The following LZTR1 variants were observed in gnomAD, a reference collection of about 807,000 sequenced individuals.
The protein encoded by LZTR1 is leucine-zipper-like transcriptional regulator 1.
LZTR1 carries 260 observed loss-of-function variants against 105.7 expected under a neutral mutation model. That is an observed-to-expected ratio of 2.46 (90% CI 2.22 to 2.72). LZTR1 has a LOEUF of 2.72. Ranked by LOEUF, LZTR1 falls within the 30% of genes most tolerant of loss-of-function variation. The probability of loss-of-function intolerance (pLI) is 0.00; values close to 1 mark genes in which losing one functional copy is unlikely to be tolerated. For synonymous variants in LZTR1, 490 were observed against 476.4 expected, an observed-to-expected ratio of 1.03 and a Z score of -0.37; for missense variants, 1,214 against 1,166.9, an observed-to-expected ratio of 1.04 and a Z score of -0.59.
intron 14 of LZTR1, 132 bp downstream of exon 14, chr22:20,994,401 T>C (rs1366410550): frequency 1.6e-6 from 2 of 1,276,082 alleles, no homozygotes; most frequent in Admixed American, 2.1e-5. Flanking sequence ...TCACCCTCCT[T>C]ACCCATGATC....
At chr22:20,993,868 CTG>C in intron 12 of LZTR1, 54 bp from the exon 13 acceptor site, 1 of 1,582,452 alleles carries the variant, frequency 6.3e-7, no homozygotes, top group Non-Finnish European at 8.6e-7. Context: ...GGCTGGGTCT[CTG>C]TTCTCTGGGG....
chr22:20,989,410 G>A (rs1259610748), intron 6 of LZTR1, among the ~76,000 whole-genome samples: 1 of 152,230 alleles, frequency 6.6e-6, no homozygotes, highest in Non-Finnish European at 1.5e-5. Context: ...ATGCATGAGA[G>A]TACTTGTTCT....
intron 3 of LZTR1, chr22:20,986,376 T>TGACAGATA (rs761389330): frequency 9.7e-5 from 14 of 144,464 alleles, no homozygotes; most frequent in Non-Finnish European, 1.6e-4. Flanking sequence ...GATAGACAGA[T>TGACAGATA]GATAGATAGA....
At chr22:20,987,265 G>A (rs528295241) in intron 3 of LZTR1, 20 of 446,246 alleles carry the variant, frequency 4.5e-5, no homozygotes, top group Admixed American at 3.1e-4. Context: ...ATGATGGTGG[G>A]TGCCTGTAAT....
At position 20,994,747 on chromosome 22, in the gene LZTR1, C is replaced by T. The variant is rs759961989; in HGVS notation, c.1785+20C>T. 8 of 1,610,220 alleles carry T rather than the reference C, an allele frequency of 5.0e-6. No individual in the cohort carries two copies. In the East Asian group the frequency reaches 6.7e-5, roughly 13 times the overall value. ...CTCAAGGTGTGGGGTGGGGTCAGCG[C>T]AATCAGGGTTGGGTGGGGTGTGCTC... On this transcript the variant is annotated intron_variant, in intron 15 of 20. Transcript: ENST00000646124.
At position 20,997,740 on chromosome 22, in the gene LZTR1, A is replaced by C. The variant is rs78566310; in HGVS notation, c.*392A>C. The C allele has an allele frequency of 5.8e-3, 1,042 of 179,272 alleles. 23 individuals are homozygous for C. Among genetic ancestry groups the C allele is most frequent in the African/African-American group, 0.023 (988 of 42,316 alleles). The allele number at this position is 179,272 out of a possible 1,614,324, so 11.1% of individuals were successfully genotyped here. ...GACTCAGGCACTGGGGCCTGTCACC[A>C]AGGCTCCTCCAACATGCGGGAGGAG... On this transcript the variant is annotated 3_prime_UTR_variant, in exon 21 of 21. Coordinates refer to ENST00000646124, the MANE Select transcript of LZTR1 (RefSeq NM_006767.4).
At chr22:20,985,202 C>T (rs1315114314) in intron 2 of LZTR1, among the ~76,000 whole-genome samples, 2 of 151,482 alleles carry the variant, frequency 1.3e-5, no homozygotes, top group Non-Finnish European at 2.9e-5. Flanking sequence ...GGATTACAGG[C>T]GCCTGCCACC....
Position 20,997,299 on chromosome 22 carries a change from C to A in LZTR1, c.2474C>A (p.Ala825Asp). ...CTGCTGGACATCATAGACTCCCTGG[C>A]CTCCCACATCTCAGACAAGCAGTGC... ...QLLLDIIDSL[A>D]SHISDKQCAE... is the part of the protein sequence containing the mutation. Residue 825 changes from alanine (A) to aspartate (D), a missense_variant, in exon 21 of 21, where the codon GCC becomes GAC. By Grantham distance (126) the Ala-to-Asp change is moderately radical. Transcript: ENST00000646124. 1 of 1,613,818 alleles carries A rather than the reference C, an allele frequency of 6.2e-7. No homozygotes were observed. The highest frequency in any genetic ancestry group is 8.5e-7 in the Non-Finnish European group (1 of 1,180,006).
At chr22:20,987,748 A>T (rs1262964112) in intron 4 of LZTR1, among the ~76,000 whole-genome samples, 165 bp downstream of exon 4, 1 of 151,896 alleles carries the variant, frequency 6.6e-6, no homozygotes, top group Non-Finnish European at 1.5e-5. Context: ...TGGATCTGGG[A>T]CCCCTTGCCC....
rs1924445776 is a variant in LZTR1 at position 20,987,689 on chromosome 22, GCT to G, written c.400+114_400+115del. 1.9e-5 allele frequency: 20 copies of G among 1,037,372 alleles called. 1 individual carries two copies. In the Admixed American group the frequency reaches 3.2e-4, roughly 17 times the overall value. The allele number at this position is 1,037,372 out of a possible 1,614,324, so 64.3% of individuals were successfully genotyped here. ...TGTGCTCGTGCTGTGTACAGCAGGG[GCT>G]CTCTCTCCACCCGTGGCTTTGTCTG... is the stretch of plus-strand genomic sequence containing the variant. On this transcript the variant is annotated intron_variant, in intron 4 of 20. Coordinates refer to ENST00000646124, the MANE Select transcript of LZTR1 (RefSeq NM_006767.4).
At chr22:20,992,683 C>G in intron 10 of LZTR1, 111 bp from the exon 11 acceptor site, 2 of 740,074 alleles carry the variant, frequency 2.7e-6, no homozygotes, top group Admixed American at 4.6e-5. Flanking sequence ...GACCCTGCCC[C>G]CTGGCCCTTC....
chr22:20,983,192 G>C, intron 2 of LZTR1, 103 bp downstream of exon 2: 1 of 1,016,458 alleles, frequency 9.8e-7, no homozygotes, highest in Non-Finnish European at 1.6e-6. Context: ...GATGCTAGCT[G>C]GTGCCTCTAA....
intron 3 of LZTR1, chr22:20,986,926 A>G (rs539856611): frequency 6.6e-6 from 1 of 152,242 alleles, no homozygotes. Context: ...AAAAAATTTC[A>G]TGGAAGCCTA....
intron 20 of LZTR1, 98 bp from the exon 21 acceptor site, chr22:20,997,134 C>A: frequency 8.9e-7 from 1 of 1,117,776 alleles, no homozygotes; most frequent in Non-Finnish European, 1.4e-6. Flanking sequence ...TGGGACCAGC[C>A]TGAGCCCTGA....
At position 20,991,797 on chromosome 22, in the gene LZTR1, T is replaced by C. The variant is rs1363014013; in HGVS notation, c.961T>C (p.Trp321Arg). 6.4e-7 allele frequency: 1 copy of C among 1,551,648 alleles called. No individual in the cohort carries two copies. The highest frequency in any genetic ancestry group is 2.4e-5 in the East Asian group (1 of 41,044). The change falls in exon 9 of 21, where the codon TGG becomes CGG. Residue 321 changes from tryptophan to arginine, a missense_variant. Transcript: ENST00000646124. ...CTGCTATGACGTGGACTTCCAGACC[T>C]GGGAGGTCGTCCAGCCCAGCTCCGA... The part of the protein sequence containing the change: ...LHCYDVDFQT[W>R]EVVQPSSDSE...
In LZTR1 at chr22:20,997,336, C is replaced by T. The variant is rs202072955; in HGVS notation, c.2511C>T (p.Gly837=). Residue 837 remains glycine, a synonymous_variant, in exon 21 of 21, where the codon GGC becomes GGT. Coordinates refer to ENST00000646124, the MANE Select transcript of LZTR1 (RefSeq NM_006767.4). ...CAGACAAGCAGTGCGCAGAGCTGGG[C>T]GCCGACATCTGAGGCCCTGTGGCGC... ...HISDKQCAEL[G]ADI The T allele has an allele frequency of 2.7e-4, 441 of 1,612,498 alleles. 1 individual carries two copies. The highest frequency in any genetic ancestry group is 2.3e-3 in the Admixed American group (136 of 60,022).
At chr22:20,989,224 T>C (rs539389779) in intron 6 of LZTR1, among the ~76,000 whole-genome samples, 37 of 152,346 alleles carry the variant, frequency 2.4e-4, no homozygotes, top group Admixed American at 7.8e-4. Flanking sequence ...TTTTAGAAAG[T>C]TGGCTTTGCT....
Position 20,994,096 on chromosome 22 carries a change from C to T in LZTR1, c.1450-8C>T, listed in dbSNP as rs1198465233. The T allele has an allele frequency of 6.3e-7, 1 of 1,577,506 alleles. No individual in the cohort carries two copies. The highest frequency in any genetic ancestry group is 1.8e-5 in the Admixed American group (1 of 55,062). On this transcript the variant is annotated splice_polypyrimidine_tract_variant and splice_region_variant and intron_variant, in intron 13 of 20. Transcript: ENST00000646124. ...CTGGGGTGTCCTTGAGCTCCCTTCTCCCCACAGAAGCTGGAGCAGGAGGCC... is the reference window on the plus strand; with the variant it reads ...CTGGGGTGTCCTTGAGCTCCCTTCTTCCCACAGAAGCTGGAGCAGGAGGCC...
chr22:20,992,513 T>TG, intron 10 of LZTR1, 144 bp downstream of exon 10: 3 of 994,436 alleles, frequency 3.0e-6, no homozygotes, highest in Non-Finnish European at 4.3e-6. Flanking sequence ...CCAAGGGCCC[T>TG]CACCCTGCTG....
Sources: gnomAD v4.1 joint callset for allele counts (sites outside exome capture counted in the v4.1 genomes callset) on GRCh38, gnomAD v4.1.1 for gene constraint, MANE v1.5 for transcripts, NCBI Gene and HGNC (gene_info 2026-07-23, HGNC 2026-07-21) for gene names.